DNM3: variants seen among roughly 807,000 people sequenced by gnomAD.
The protein encoded by DNM3 is dynamin 3, also known as dynamin-3.
A neutral mutation model predicts 101.6 loss-of-function variants in DNM3; 47 were observed. The ratio of observed to expected loss-of-function variants is 0.46; its 90% CI spans 0.37 to 0.59. The LOEUF is 0.59. Ranked by LOEUF, DNM3 falls within the 20% of genes least tolerant of loss-of-function variation. The probability of loss-of-function intolerance (pLI) is 0.00; values close to 1 mark genes in which losing one functional copy is unlikely to be tolerated. For synonymous variants in DNM3, 385 were observed against 387.9 expected (o/e 0.99, Z 0.09); for missense variants, 849 against 1,085.7 (o/e 0.78, Z 3.06).
At chr1:172,346,152 A>T (rs990997409) in intron 17 of DNM3, among the ~76,000 whole-genome samples, 1 of 151,988 alleles carries the variant, frequency 6.6e-6, no homozygotes, top group Non-Finnish European at 1.5e-5. Flanking sequence ...AGAAAGAAAG[A>T]AAAAGATGTA....
chr1:172,089,174 T>C (rs2053737840), intron 12 of DNM3, among the ~76,000 whole-genome samples: 1 of 152,234 alleles, frequency 6.6e-6, no homozygotes, highest in Non-Finnish European at 1.5e-5. Context: ...CACATGTTTA[T>C]TAATATGGAT....
intron 2 of DNM3, among the ~76,000 whole-genome samples, chr1:171,943,270 G>A (rs2041939211): frequency 6.6e-6 from 1 of 152,062 alleles, no homozygotes; most frequent in South Asian, 2.1e-4. Flanking sequence ...AAAATTCTAA[G>A]CCCACCAACC....
At chr1:172,026,811 G>A (rs574083639) in intron 4 of DNM3, among the ~76,000 whole-genome samples, 21 of 152,020 alleles carry the variant, frequency 1.4e-4, no homozygotes, top group African/African-American at 3.6e-4. Context: ...CTGCTACCAC[G>A]CCTGGCTAAT....
At chr1:172,255,576 A>C (rs1056329500) in intron 15 of DNM3, among the ~76,000 whole-genome samples, 1 of 152,160 alleles carries the variant, frequency 6.6e-6, no homozygotes, top group East Asian at 1.9e-4. Context: ...AAGTCACCGA[A>C]ATAAGGAAAC....
At chr1:172,041,671 T>G (rs2049399783) in intron 7 of DNM3, among the ~76,000 whole-genome samples, 1 of 152,150 alleles carries the variant, frequency 6.6e-6, no homozygotes. Context: ...TCATAGGAGT[T>G]CAGGTCCATT....
At chr1:172,106,844 A>ATTATTTTTTTTTT (rs1289662689) in intron 13 of DNM3, among the ~76,000 whole-genome samples, 2 of 51,052 alleles carry the variant, frequency 3.9e-5, no homozygotes, top group African/African-American at 1.4e-4. Context: ...AGGTAACATT[A>ATTATTTTTTTTTT]TTCTTTTTTT....
chr1:172,048,164 A>G (rs1198747302), intron 9 of DNM3, among the ~76,000 whole-genome samples: 1 of 151,892 alleles, frequency 6.6e-6, no homozygotes. Flanking sequence ...TTAATTCATA[A>G]CTCCCCTTAC....
downstream of DNM3, among the ~76,000 whole-genome samples, chr1:172,416,359 T>A (rs950303593): frequency 1.3e-5 from 2 of 152,138 alleles, no homozygotes; most frequent in Non-Finnish European, 2.9e-5. Flanking sequence ...GCCCATATCC[T>A]TAAAAGAACT....
At chr1:172,317,341 G>A (rs2065432563) in intron 16 of DNM3, among the ~76,000 whole-genome samples, 1 of 151,450 alleles carries the variant, frequency 6.6e-6, no homozygotes, top group Non-Finnish European at 1.5e-5. Flanking sequence ...AGAAAAGCAA[G>A]AGCAAACACA....
At position 172,365,636 on chromosome 1, in the gene DNM3, T is replaced by A. The variant is rs776923350; in HGVS notation, c.1894-13382T>A. Among the ~76,000 whole-genome samples the A allele has an allele frequency of 8.6e-5, 13 of 151,924 alleles. 1 individual carries two copies. ...AATGAGGCAAAAAATGTTTAAATTG[T>A]CATTTAAAAATTTCTTATCCCCAGA... On this transcript the variant is annotated intron_variant, in intron 17 of 20. Transcript: ENST00000627582.
intron 1 of DNM3, among the ~76,000 whole-genome samples, chr1:171,850,731 A>T (rs538378600): frequency 6.6e-6 from 1 of 151,422 alleles, no homozygotes; most frequent in African/African-American, 2.4e-5. Context: ...GATTTGAATT[A>T]TGTACTTTGA....
rs1262155821 is a variant in DNM3, at chr1:172,241,239, A to ATGTGTGTGTGTGTGTG, written c.1660-12323_1660-12308dup. ...ATCATATATATGTATATATACATAG[A>ATGTGTGTGTGTGTGTG]TGTGTGTGTGTGTGTGTGTGTGTGT... is the stretch of plus-strand genomic sequence containing the variant. On this transcript the variant is annotated intron_variant, in intron 14 of 20. Coordinates refer to ENST00000627582, the MANE Select transcript of DNM3 (RefSeq NM_015569.5). Among the ~76,000 whole-genome samples the ATGTGTGTGTGTGTGTG allele has an allele frequency of 1.2e-3, 181 of 148,452 alleles. 1 individual carries two copies. The highest frequency in any genetic ancestry group is 4.1e-3 in the African/African-American group (166 of 40,230).
intron 4 of DNM3, among the ~76,000 whole-genome samples, chr1:172,009,104 A>T (rs2046931476): frequency 7.2e-6 from 1 of 138,472 alleles, no homozygotes; most frequent in African/African-American, 2.7e-5. Flanking sequence ...ATATGTATTT[A>T]TATATTATAT....
At chr1:171,877,922 G>A (rs1290929910) in intron 1 of DNM3, among the ~76,000 whole-genome samples, 1 of 152,204 alleles carries the variant, frequency 6.6e-6, no homozygotes, top group Non-Finnish European at 1.5e-5. Context: ...GTAAGTGAGA[G>A]TGGGTGTTCC....
chr1:172,034,688 AATTCTATGGC>A (rs767580797), intron 6 of DNM3, among the ~76,000 whole-genome samples: 1 of 152,094 alleles, frequency 6.6e-6, no homozygotes, highest in Non-Finnish European at 1.5e-5. Context: ...AAACTAAGAT[AATTCTATGGC>A]TATGTATGTG....
intron 1 of DNM3, among the ~76,000 whole-genome samples, chr1:171,883,769 C>T (rs1179300061): frequency 6.6e-6 from 1 of 152,088 alleles, no homozygotes; most frequent in Non-Finnish European, 1.5e-5. Flanking sequence ...CGCACCCAGC[C>T]CCTGATTCCT....
At chr1:172,009,662 A>C (rs978332553) in intron 4 of DNM3, among the ~76,000 whole-genome samples, 6 of 151,792 alleles carry the variant, frequency 4.0e-5, no homozygotes, top group Non-Finnish European at 8.8e-5. Flanking sequence ...TCGTAGACCG[A>C]TTAGGAGAGA....
chr1:171,893,912 T>TTA (rs1012136425), intron 1 of DNM3, among the ~76,000 whole-genome samples: 4 of 151,970 alleles, frequency 2.6e-5, no homozygotes, highest in Admixed American at 6.6e-5. Context: ...AACTACATAG[T>TTA]TATATATATA....
intron 14 of DNM3, among the ~76,000 whole-genome samples, chr1:172,189,305 C>T (rs770804231): frequency 7.2e-5 from 11 of 151,960 alleles, no homozygotes; most frequent in Non-Finnish European, 1.5e-4. Context: ...GTCTCTGATT[C>T]TTCTTCTTGA....
Sources: allele counts gnomAD v4.1 joint callset (sites outside exome capture counted in the v4.1 genomes callset), GRCh38; gene constraint gnomAD v4.1.1; transcripts MANE v1.5; gene names NCBI Gene and HGNC (gene_info 2026-07-23, HGNC 2026-07-21).